RORA: variants seen among roughly 807,000 people sequenced by gnomAD.
RORA encodes RAR related orphan receptor A.
RORA carries 7 observed loss-of-function variants against 69.5 expected under a neutral mutation model. That is an observed-to-expected ratio of 0.10 (90% confidence interval 0.06 to 0.19). The LOEUF (loss-of-function observed/expected upper bound fraction) is 0.19. Among genes scored for constraint, RORA ranks in the 10% least tolerant of loss-of-function variants. RORA has a pLI of 1.00. For synonymous variants in RORA, 261 were observed against 240.8 expected, an observed-to-expected ratio of 1.08 and a Z score of -0.78; for missense variants, 457 against 663.0, an observed-to-expected ratio of 0.69 and a Z score of 3.41.
At chr15:60,565,004 A>G (rs1245968157) in intron 2 of RORA, among the ~76,000 whole-genome samples, 2 of 152,116 alleles carry the variant, frequency 1.3e-5, no homozygotes, top group African/African-American at 4.8e-5. Context: ...AATGTTATCT[A>G]TTGTATTCTA....
intron 1 of RORA, among the ~76,000 whole-genome samples, chr15:60,876,004 T>C (rs181197259): frequency 2.0e-5 from 3 of 152,330 alleles, no homozygotes; most frequent in Admixed American, 1.3e-4. Context: ...AAAACTTCTT[T>C]GAAGACCACA....
chr15:60,894,606 C>T (rs996685560), intron 1 of RORA, among the ~76,000 whole-genome samples: 1 of 152,172 alleles, frequency 6.6e-6, no homozygotes, highest in Non-Finnish European at 1.5e-5. Flanking sequence ...GCCGCTCAAA[C>T]GCTAGTGTGC....
intron 1 of RORA, among the ~76,000 whole-genome samples, chr15:61,085,609 T>G (rs2078613360): frequency 6.6e-6 from 1 of 152,230 alleles, no homozygotes; most frequent in South Asian, 2.1e-4. Flanking sequence ...GACCACACTT[T>G]GAGAACCACT....
chr15:60,761,190 C>T (rs935028690), intron 1 of RORA, among the ~76,000 whole-genome samples: 6 of 152,124 alleles, frequency 3.9e-5, no homozygotes, highest in Non-Finnish European at 7.3e-5. Context: ...GGATGGAGGA[C>T]GTGGGGGTGC....
At chr15:60,671,782 T>C (rs2070477448) in intron 2 of RORA, among the ~76,000 whole-genome samples, 1 of 151,800 alleles carries the variant, frequency 6.6e-6, no homozygotes, top group South Asian at 2.1e-4. Context: ...TGACTAATTT[T>C]TGTATTTTTA....
At chr15:60,595,282 G>A (rs2068641215) in intron 2 of RORA, among the ~76,000 whole-genome samples, 1 of 152,166 alleles carries the variant, frequency 6.6e-6, no homozygotes, top group African/African-American at 2.4e-5. Context: ...AGAGGTCAAG[G>A]CGGGTGGATC....
chr15:60,518,719 C>T (rs1204129213), intron 3 of RORA, among the ~76,000 whole-genome samples: 2 of 152,338 alleles, frequency 1.3e-5, no homozygotes, highest in East Asian at 1.9e-4. Flanking sequence ...TAATCCTGCT[C>T]ATCCTGCTGC....
intron 1 of RORA, among the ~76,000 whole-genome samples, chr15:61,053,863 A>ATATATATAT (rs1555406156): frequency 7.3e-5 from 10 of 137,192 alleles, no homozygotes; most frequent in East Asian, 4.4e-4. Flanking sequence ...ATATATATAT[A>ATATATATAT]AACATTCTTC....
chr15:61,056,218 C>T lies in RORA; in HGVS notation c.166+172835G>A, dbSNP rs572507572. ...GTGTGCGCTATGAATTTGCTGGCTC[C>T]GACAGTAAGTATTCCTACATGGGCT... On this transcript the variant is annotated intron_variant, in intron 1 of 10. Coordinates refer to ENST00000335670, the MANE Select transcript of RORA (RefSeq NM_134261.3). Among the ~76,000 whole-genome samples, 54 of 152,268 alleles carry T rather than the reference C, an allele frequency of 3.5e-4. 2 individuals carry two copies. The South Asian group carries it at 9.1e-3, about 26-fold the overall frequency.
chr15:60,586,455 G>T (rs2068337738), intron 2 of RORA, among the ~76,000 whole-genome samples: 2 of 150,182 alleles, frequency 1.3e-5, no homozygotes, highest in African/African-American at 2.4e-5. Context: ...GTATTAGAGG[G>T]GTGTGTGTGT....
At chr15:60,615,615 T>C (rs1211325014) in intron 2 of RORA, among the ~76,000 whole-genome samples, 1 of 152,212 alleles carries the variant, frequency 6.6e-6, no homozygotes, top group Non-Finnish European at 1.5e-5. Context: ...GAGCTCACGA[T>C]AGCCCAGGTC....
chr15:61,195,772 G>A (rs2079840661), intron 1 of RORA: 1 of 152,180 alleles, frequency 6.6e-6, no homozygotes. Flanking sequence ...ACTAGTCAAT[G>A]AGTCACAGCC....
chr15:61,047,379 A>G (rs879318942), intron 1 of RORA, among the ~76,000 whole-genome samples: 24 of 152,240 alleles, frequency 1.6e-4, no homozygotes, highest in Non-Finnish European at 3.1e-4. Flanking sequence ...TTCTCATTCT[A>G]TACTCACATT....
At chr15:60,536,527 A>G (rs1162860213) in intron 2 of RORA, among the ~76,000 whole-genome samples, 2 of 152,246 alleles carry the variant, frequency 1.3e-5, no homozygotes, top group African/African-American at 4.8e-5. Context: ...TGTTGCAATA[A>G]GTTGCAGGAG....
chr15:60,870,784 C>G (rs2073546944), intron 1 of RORA, among the ~76,000 whole-genome samples: 1 of 152,240 alleles, frequency 6.6e-6, no homozygotes, highest in Non-Finnish European at 1.5e-5. Context: ...TCACTAGTCA[C>G]ATATGGGTCA....
At chr15:60,828,610 C>T (rs1410534672) in intron 1 of RORA, among the ~76,000 whole-genome samples, 1 of 152,172 alleles carries the variant, frequency 6.6e-6, no homozygotes, top group South Asian at 2.1e-4. Flanking sequence ...CGCATGGGGC[C>T]TCTGTGACCC....
intron 1 of RORA, among the ~76,000 whole-genome samples, chr15:60,937,287 G>C (rs1217087206): frequency 6.6e-6 from 1 of 152,162 alleles, no homozygotes; most frequent in Non-Finnish European, 1.5e-5. Context: ...CTTCTAGATA[G>C]CACTGAGCTT....
intron 1 of RORA, among the ~76,000 whole-genome samples, chr15:61,113,155 T>C (rs1260466705): frequency 1.3e-5 from 2 of 152,256 alleles, no homozygotes; most frequent in Non-Finnish European, 2.9e-5. Context: ...TAAGATTTTG[T>C]GCCTCTGGCT....
rs905013525 is a variant in RORA, at chr15:60,492,592, A to G, written c.*4863T>C. 7.2e-5 allele frequency: 11 copies of G among 152,120 alleles called. No homozygotes were observed. The highest frequency in any genetic ancestry group is 2.4e-4 in the African/African-American group (10 of 41,446). The allele number at this position is 152,120 out of a possible 1,614,324, so 9.4% of individuals were successfully genotyped here. A position where few individuals can be genotyped will look rare whatever the true frequency, so the allele number is the denominator to read the frequency against. On this transcript the variant is annotated 3_prime_UTR_variant, in exon 11 of 11. Coordinates refer to ENST00000335670, the MANE Select transcript of RORA (RefSeq NM_134261.3). The stretch of plus-strand genomic sequence containing the variant: ...CTTATTACTGGATTTTAAAATTTTC[A>G]TCCTTAATATGTAGAATTTGAAATA...
Sources: gnomAD v4.1 joint callset for allele counts (sites outside exome capture counted in the v4.1 genomes callset) on GRCh38, gnomAD v4.1.1 for gene constraint, MANE v1.5 for transcripts, NCBI Gene and HGNC (gene_info 2026-07-23, HGNC 2026-07-21) for gene names.